C17orf67: variants seen among roughly 807,000 people sequenced by gnomAD.
The protein encoded by C17orf67 is chromosome 17 open reading frame 67, also known as uncharacterized protein C17orf67.
C17orf67 carries 12 observed loss-of-function variants against 11.2 expected under a neutral mutation model. The ratio of observed to expected loss-of-function variants is 1.07; its 90% CI spans 0.68 to 1.73. The LOEUF is 1.73. Ranked by LOEUF, C17orf67 falls within the 40% of genes most tolerant of loss-of-function variation. The probability of loss-of-function intolerance (pLI) is 0.00; values close to 1 mark genes in which losing one functional copy is unlikely to be tolerated. For synonymous variants in C17orf67, 59 were observed against 46.9 expected, an observed-to-expected ratio of 1.26 and a Z score of -1.05; for missense variants, 115 against 113.5, an observed-to-expected ratio of 1.01 and a Z score of -0.06.
rs960624218 is a variant in C17orf67 at position 56,825,238 on chromosome 17, A to G, written c.-473T>C. 6.6e-6 allele frequency: 1 copy of G among 152,206 alleles called. No homozygotes were observed. The allele number at this position is 152,206 out of a possible 1,614,324, so 9.4% of individuals were successfully genotyped here. A position where few individuals can be genotyped will look rare whatever the true frequency, so the allele number is the denominator to read the frequency against. ...ACCCTAAATGGTTGAAGAGCATCAC[A>G]AACTTTGGCATCAGATAAACCTAAG... On this transcript the variant is annotated 5_prime_UTR_variant, in exon 3 of 8. Coordinates refer to ENST00000397861, the MANE Select transcript of C17orf67 (RefSeq NM_001085430.4).
intron 6 of C17orf67, among the ~76,000 whole-genome samples, chr17:56,798,673 CAA>C (rs58924731): frequency 2.7e-5 from 4 of 150,206 alleles, no homozygotes; most frequent in East Asian, 2.0e-4. Flanking sequence ...ACCAAAAATA[CAA>C]AAAAAAAAAT....
intron 7 of C17orf67, 103 bp downstream of exon 7, chr17:56,794,941 A>C: frequency 1.4e-6 from 1 of 732,580 alleles, no homozygotes; most frequent in Non-Finnish European, 2.3e-6. Flanking sequence ...CCAGCTAACC[A>C]GCTGGCCCCC....
intron 2 of C17orf67, among the ~76,000 whole-genome samples, chr17:56,832,395 G>A (rs1001113438): frequency 2.0e-5 from 3 of 152,170 alleles, no homozygotes; most frequent in African/African-American, 7.2e-5. Flanking sequence ...TTCTTAAAGA[G>A]TTAACAACAA....
At chr17:56,829,711 A>G (rs2144155543) in intron 2 of C17orf67, among the ~76,000 whole-genome samples, 1 of 152,252 alleles carries the variant, frequency 6.6e-6, no homozygotes, top group Non-Finnish European at 1.5e-5. Flanking sequence ...ATTCCTCCAA[A>G]TCTAAAGAAT....
intron 6 of C17orf67, among the ~76,000 whole-genome samples, chr17:56,800,164 C>T (rs1477953096): frequency 7.0e-6 from 1 of 143,738 alleles, no homozygotes; most frequent in African/African-American, 2.6e-5. Context: ...TTCCCGGGTT[C>T]ACGCCATTCT....
intron 2 of C17orf67, among the ~76,000 whole-genome samples, chr17:56,826,143 G>A (rs796944972): frequency 6.6e-6 from 1 of 152,052 alleles, no homozygotes; most frequent in South Asian, 2.1e-4. Flanking sequence ...TAGTAGAGAT[G>A]GGGTTTCACC....
At chr17:56,811,459 C>T (rs1276222018) in intron 6 of C17orf67, among the ~76,000 whole-genome samples, 4 of 144,608 alleles carry the variant, frequency 2.8e-5, no homozygotes, top group Admixed American at 1.4e-4. Flanking sequence ...CTCCCCTTTC[C>T]TTCCAGTTGG....
chr17:56,813,268 T>A lies in C17orf67; in HGVS notation c.156+1601A>T, dbSNP rs537702607. Among the ~76,000 whole-genome samples, 4 of 148,514 alleles carry A rather than the reference T, an allele frequency of 2.7e-5. No individual in the cohort carries two copies. The South Asian group carries it at 8.7e-4, about 32-fold the overall frequency. On this transcript the variant is annotated intron_variant, in intron 6 of 7. Transcript: ENST00000397861. The stretch of plus-strand genomic sequence containing the variant: ...CTCCCTCCAGGCATCCTCCTCCCCA[T>A]CACAGTTGTGCACATGCTGCCCTTC...
intron 2 of C17orf67, among the ~76,000 whole-genome samples, chr17:56,828,436 G>T (rs1474054553): frequency 6.6e-6 from 1 of 152,038 alleles, no homozygotes; most frequent in East Asian, 1.9e-4. Context: ...CTGTGGTCCT[G>T]ACCAGGTCTC....
chr17:56,809,274 C>T lies in C17orf67; in HGVS notation c.156+5595G>A, dbSNP rs114990807. 6.2e-3 allele frequency among the ~76,000 whole-genome samples: 949 copies of T among 151,994 alleles called. 14 individuals are homozygous for T. Among genetic ancestry groups the T allele is most frequent in the African/African-American group, 0.022 (900 of 41,404 alleles). ...AAACAAGATCTAATCACATCATTCCCCTGCTTGAAATCCCTGCACAGCTCC... is the reference window on the plus strand; with the variant it reads ...AAACAAGATCTAATCACATCATTCCTCTGCTTGAAATCCCTGCACAGCTCC... On this transcript the variant is annotated intron_variant, in intron 6 of 7. Coordinates refer to ENST00000397861, the MANE Select transcript of C17orf67 (RefSeq NM_001085430.4).
intron 7 of C17orf67, among the ~76,000 whole-genome samples, chr17:56,794,392 C>G (rs917031046): frequency 1.3e-5 from 2 of 151,984 alleles, no homozygotes; most frequent in Non-Finnish European, 2.9e-5. Flanking sequence ...GCTACCTTAT[C>G]TAACAGGATT....
intron 4 of C17orf67, among the ~76,000 whole-genome samples, chr17:56,821,479 T>C (rs181560487): frequency 4.3e-4 from 66 of 152,202 alleles, no homozygotes; most frequent in Non-Finnish European, 7.9e-4. Context: ...GTGGTGCTTA[T>C]GGGTCTAGAT....
chr17:56,829,211 G>A (rs1444126401), intron 2 of C17orf67, among the ~76,000 whole-genome samples: 1 of 152,162 alleles, frequency 6.6e-6, no homozygotes, highest in Non-Finnish European at 1.5e-5. Flanking sequence ...GGGAGGTGGA[G>A]ATTGCAGTGA....
intron 6 of C17orf67, among the ~76,000 whole-genome samples, chr17:56,801,833 C>T (rs923608569): frequency 6.6e-6 from 1 of 152,202 alleles, no homozygotes; most frequent in Non-Finnish European, 1.5e-5. Context: ...AAGTTCCCAG[C>T]ATATAACTTT....
intron 2 of C17orf67, among the ~76,000 whole-genome samples, chr17:56,826,412 G>A (rs1906033621): frequency 6.6e-6 from 1 of 152,208 alleles, no homozygotes; most frequent in Non-Finnish European, 1.5e-5. Flanking sequence ...TCTAACCTGA[G>A]CCCAAGGAGG....
intron 2 of C17orf67, among the ~76,000 whole-genome samples, chr17:56,825,811 C>T (rs1906010789): frequency 6.6e-6 from 1 of 152,094 alleles, no homozygotes. Flanking sequence ...AAAAGTAAAT[C>T]AGTTTCCATA....
chr17:56,813,546 A>G (rs1905681523), intron 6 of C17orf67, among the ~76,000 whole-genome samples: 1 of 151,360 alleles, frequency 6.6e-6, no homozygotes, highest in African/African-American at 2.4e-5. Flanking sequence ...GATAAAACCC[A>G]AGATACCTCT....
chr17:56,817,013 T>C (rs1905777081), intron 4 of C17orf67, among the ~76,000 whole-genome samples: 2 of 151,934 alleles, frequency 1.3e-5, no homozygotes, highest in Non-Finnish European at 2.9e-5. Context: ...CAACACTCAA[T>C]TAACTTTTTT....
intron 6 of C17orf67, among the ~76,000 whole-genome samples, chr17:56,813,958 G>T (rs977278924): frequency 3.9e-5 from 6 of 152,146 alleles, no homozygotes; most frequent in African/African-American, 1.4e-4. Flanking sequence ...TTCAAACCCA[G>T]TCTGACCCCA....
Sources: allele counts gnomAD v4.1 joint callset (sites outside exome capture counted in the v4.1 genomes callset), GRCh38; gene constraint gnomAD v4.1.1; transcripts MANE v1.5; gene names NCBI Gene and HGNC (gene_info 2026-07-23, HGNC 2026-07-21).